The following STK32B variants were observed in gnomAD, a reference collection of about 807,000 sequenced individuals.
STK32B encodes the protein serine/threonine-protein kinase 32B.
STK32B carries 43 observed loss-of-function variants against 52.6 expected under a neutral mutation model. The observed-to-expected ratio is 0.82, with a 90% confidence interval of 0.64 to 1.05. The LOEUF is 1.05. STK32B is among the 50% of genes least tolerant of loss of function. The probability of loss-of-function intolerance (pLI) is 0.00; values close to 1 mark genes in which losing one functional copy is unlikely to be tolerated. For synonymous variants in STK32B, 238 were observed against 204.3 expected (o/e 1.17, Z -1.41); for missense variants, 621 against 534.6 (o/e 1.16, Z -1.59).
intron 1 of STK32B, among the ~76,000 whole-genome samples, chr4:5,124,198 G>T (rs1715225846): frequency 6.6e-6 from 1 of 152,116 alleles, no homozygotes; most frequent in Non-Finnish European, 1.5e-5. Flanking sequence ...ACATAATTTT[G>T]CTCTCTCACA....
the STK32B span, among the ~76,000 whole-genome samples, chr4:5,038,559 C>T: frequency 6.6e-6 from 1 of 152,214 alleles, no homozygotes; most frequent in Non-Finnish European, 1.5e-5. Flanking sequence ...CTGTACTGAA[C>T]ACCATAGGCA....
chr4:5,455,702 C>T (rs766301976), intron 7 of STK32B, among the ~76,000 whole-genome samples: 2 of 152,126 alleles, frequency 1.3e-5, no homozygotes, highest in African/African-American at 4.8e-5. Flanking sequence ...GGGACTGAGA[C>T]GTTCACTGTC....
chr4:5,210,840 G>A (rs1722862471), intron 3 of STK32B, among the ~76,000 whole-genome samples: 1 of 150,254 alleles, frequency 6.7e-6, no homozygotes, highest in African/African-American at 2.5e-5. Flanking sequence ...CTATGCCCCA[G>A]GCTGGAATGC....
At chr4:5,359,850 G>A (rs1379073502) in intron 4 of STK32B, among the ~76,000 whole-genome samples, 1 of 152,168 alleles carries the variant, frequency 6.6e-6, no homozygotes, top group African/African-American at 2.4e-5. Context: ...CAGGCCAGGG[G>A]GAAAGGTGAG....
At chr4:5,077,006 C>T (rs903509301) in intron 1 of STK32B, among the ~76,000 whole-genome samples, 2 of 152,142 alleles carry the variant, frequency 1.3e-5, no homozygotes, top group African/African-American at 4.8e-5. Context: ...GCCTCATCAT[C>T]TGCAGTGATA....
chr4:5,059,277 C>A (rs928929013), intron 1 of STK32B, among the ~76,000 whole-genome samples: 4 of 151,788 alleles, frequency 2.6e-5, no homozygotes, highest in Non-Finnish European at 4.4e-5. Flanking sequence ...GTACACCTAC[C>A]CAAACCAGCC....
At chr4:5,305,631 T>A (rs1729877549) in intron 3 of STK32B, among the ~76,000 whole-genome samples, 1 of 152,138 alleles carries the variant, frequency 6.6e-6, no homozygotes, top group Admixed American at 6.6e-5. Context: ...TCAATTTTAT[T>A]CATCGTTTCA....
In STK32B at chr4:5,456,902, G is replaced by T. The variant is rs367581212; in HGVS notation, c.762G>T (p.Gly254=). The change falls in exon 8 of 12, where the codon GGG becomes GGT. Residue 254 remains glycine (G), a synonymous_variant. Coordinates refer to ENST00000282908, the MANE Select transcript of STK32B (RefSeq NM_018401.3). ...ACTACTCCTCCACGTGGTGCAAGGG[G>T]ATGGTGGCCCTGCTGAGGAAGGTAA... is the stretch of plus-strand genomic sequence containing the variant. ...RVHYSSTWCK[G]MVALLRKLLT... is the part of the protein sequence containing the mutation. The T allele has an allele frequency of 6.3e-7, 1 of 1,575,766 alleles. No homozygotes were observed. Among genetic ancestry groups the T allele is most frequent in the Non-Finnish European group, 8.6e-7 (1 of 1,159,188 alleles).
chr4:5,367,037 A>C (rs1457423868), intron 4 of STK32B, among the ~76,000 whole-genome samples: 2 of 151,860 alleles, frequency 1.3e-5, no homozygotes, highest in Non-Finnish European at 2.9e-5. Context: ...ACATCTGCCA[A>C]CTCCAGTGTC....
chr4:5,332,773 T>C (rs564875834), intron 4 of STK32B, among the ~76,000 whole-genome samples: 1 of 152,192 alleles, frequency 6.6e-6, no homozygotes, highest in Non-Finnish European at 1.5e-5. Context: ...TGCCATAGTT[T>C]ACTGAGAATG....
At chr4:5,163,979 A>G (rs1045474938) in intron 2 of STK32B, among the ~76,000 whole-genome samples, 2 of 152,056 alleles carry the variant, frequency 1.3e-5, no homozygotes, top group East Asian at 1.9e-4. Context: ...ACTCTGTCCC[A>G]TGGAGACCCG....
At chr4:5,186,738 A>G (rs1328099330) in intron 3 of STK32B, among the ~76,000 whole-genome samples, 3 of 152,162 alleles carry the variant, frequency 2.0e-5, no homozygotes, top group Non-Finnish European at 4.4e-5. Context: ...ACCCATCCCC[A>G]TGGTAACACC....
At chr4:5,332,473 TTC>T (rs1732330091) in intron 4 of STK32B, among the ~76,000 whole-genome samples, 1 of 152,178 alleles carries the variant, frequency 6.6e-6, no homozygotes, top group South Asian at 2.1e-4. Flanking sequence ...TGTTGAAAAC[TTC>T]TTTTTATTTT....
At chr4:5,254,134 A>G (rs532980695) in intron 3 of STK32B, among the ~76,000 whole-genome samples, 3 of 152,280 alleles carry the variant, frequency 2.0e-5, no homozygotes, top group South Asian at 2.1e-4. Flanking sequence ...ATTTTTGCCT[A>G]TGTTAGCTTT....
At chr4:5,217,887 A>C (rs1158481876) in intron 3 of STK32B, among the ~76,000 whole-genome samples, 1 of 152,230 alleles carries the variant, frequency 6.6e-6, no homozygotes, top group African/African-American at 2.4e-5. Context: ...TACCAGAACT[A>C]TAGTGTTCTC....
At chr4:5,457,024 G>A (rs1019025279) in intron 8 of STK32B, 101 bp downstream of exon 8, 10 of 825,260 alleles carry the variant, frequency 1.2e-5, no homozygotes, top group African/African-American at 6.9e-5. Flanking sequence ...TGGCATACTC[G>A]GGGTAGAGAT....
At chr4:5,420,537 T>C (rs1369131886) in intron 6 of STK32B, among the ~76,000 whole-genome samples, 2 of 151,926 alleles carry the variant, frequency 1.3e-5, no homozygotes, top group East Asian at 1.9e-4. Flanking sequence ...GCAAGAGCAG[T>C]AGGTTTGTGA....
chr4:5,026,781 G>A, the STK32B span, among the ~76,000 whole-genome samples: 8 of 152,168 alleles, frequency 5.3e-5, no homozygotes, highest in Non-Finnish European at 1.5e-5. Flanking sequence ...ACTTGTGATG[G>A]AAACCCAGGC....
chr4:5,328,801 G>A (rs1320638697), intron 3 of STK32B, among the ~76,000 whole-genome samples: 1 of 152,176 alleles, frequency 6.6e-6, no homozygotes, highest in Non-Finnish European at 1.5e-5. Context: ...GTGAAGTGCA[G>A]TAAAACAAGG....
Sources: gnomAD v4.1 joint callset for allele counts (sites outside exome capture counted in the v4.1 genomes callset) on GRCh38, gnomAD v4.1.1 for gene constraint, MANE v1.5 for transcripts, NCBI Gene and HGNC (gene_info 2026-07-23, HGNC 2026-07-21) for gene names.